The following GALK2 variants were observed in gnomAD, a reference collection of about 807,000 sequenced individuals.
The protein encoded by GALK2 is galactokinase 2.
In GALK2, 36 loss-of-function variants were observed where a neutral mutation model predicts 52.4. The ratio of observed to expected loss-of-function variants is 0.69; its 90% confidence interval spans 0.53 to 0.91. The LOEUF (loss-of-function observed/expected upper bound fraction) is 0.91. Ranked by LOEUF, GALK2 falls within the 40% of genes least tolerant of loss-of-function variation. GALK2 has a pLI of 0.00. For synonymous variants in GALK2, 176 were observed against 199.1 expected, an observed-to-expected ratio of 0.88 and a Z score of 0.98; for missense variants, 579 against 559.1, an observed-to-expected ratio of 1.04 and a Z score of -0.36.
At chr15:49,304,330 A>C (rs2035366292) in intron 8 of GALK2, among the ~76,000 whole-genome samples, 1 of 152,154 alleles carries the variant, frequency 6.6e-6, no homozygotes, top group African/African-American at 2.4e-5. Flanking sequence ...GTAACAAACA[A>C]TTTCAAAGTC....
chr15:49,305,387 GT>G (rs2035467452), intron 8 of GALK2, among the ~76,000 whole-genome samples: 1 of 152,120 alleles, frequency 6.6e-6, no homozygotes, highest in African/African-American at 2.4e-5. Flanking sequence ...ACGCTCCATA[GT>G]TTTTTAGAAA....
chr15:49,210,885 T>C (rs762183108), intron 2 of GALK2, among the ~76,000 whole-genome samples: 4 of 151,876 alleles, frequency 2.6e-5, no homozygotes, highest in Non-Finnish European at 5.9e-5. Context: ...TAGCTGGGAT[T>C]ACAGGCATGT....
intron 5 of GALK2, among the ~76,000 whole-genome samples, chr15:49,255,648 A>ATTATTTT: frequency 9.5e-6 from 1 of 105,726 alleles, no homozygotes; most frequent in Non-Finnish European, 2.3e-5. Flanking sequence ...TAATACACAG[A>ATTATTTT]GATAGGTAGA....
At position 49,331,837 on chromosome 15, in the gene GALK2, C is replaced by G; in HGVS notation, c.*3678C>G. 6.2e-7 allele frequency: 1 copy of G among 1,609,026 alleles called. No homozygotes were observed. Among genetic ancestry groups the G allele is most frequent in the Non-Finnish European group, 8.5e-7 (1 of 1,175,512 alleles). On this transcript the variant is annotated 3_prime_UTR_variant, in exon 10 of 10. Coordinates refer to ENST00000560031, the MANE Select transcript of GALK2 (RefSeq NM_002044.4). ...TCACTTCATGAGGTTTCTTGGTAGC[C>G]TTTGCTTGGAGTCTAATCATGGAAT...
At chr15:49,222,907 G>A (rs762577937) in intron 3 of GALK2, among the ~76,000 whole-genome samples, 36 of 152,272 alleles carry the variant, frequency 2.4e-4, no homozygotes, top group Non-Finnish European at 4.7e-4. Context: ...TGCCTTTTGG[G>A]ACTAGGTTAA....
chr15:49,348,740 T>G (rs1483671824), intron 3 of GALK2, among the ~76,000 whole-genome samples: 1 of 152,196 alleles, frequency 6.6e-6, no homozygotes, highest in Non-Finnish European at 1.5e-5. Context: ...AGTCCTAAAT[T>G]CCAAGCATTC....
chr15:49,361,759 C>T (rs1209893933), intron 3 of GALK2, among the ~76,000 whole-genome samples: 1 of 152,120 alleles, frequency 6.6e-6, no homozygotes, highest in Non-Finnish European at 1.5e-5. Context: ...TGGGTATATA[C>T]TCAGTAATAG....
At chr15:49,211,546 C>T (rs1170759463) in intron 2 of GALK2, among the ~76,000 whole-genome samples, 1 of 152,176 alleles carries the variant, frequency 6.6e-6, no homozygotes. Context: ...CTGTATTAAT[C>T]TGCTCTTGCA....
In GALK2 at chr15:49,267,355, A is replaced by G. The variant is rs2092395643; in HGVS notation, c.505-14632A>G. ...AAGATGAGGAACCTTATCAGATATC[A>G]AGGGTGATCAGATATTGAGGGTGGG... On this transcript the variant is annotated intron_variant, in intron 5 of 9. Transcript: ENST00000560031. Among the ~76,000 whole-genome samples, 5 of 152,342 alleles carry G rather than the reference A, an allele frequency of 3.3e-5. 1 individual carries two copies. The South Asian group carries it at 1.0e-3, about 32-fold the overall frequency.
intron 8 of GALK2, 96 bp from the exon 9 acceptor site, chr15:49,319,508 A>G: frequency 2.0e-6 from 2 of 989,732 alleles, no homozygotes; most frequent in Admixed American, 5.0e-5. Context: ...CTGATAATGA[A>G]AACAGAAATG....
intron 6 of GALK2, 120 bp downstream of exon 6, chr15:49,282,205 A>G (rs936403898): frequency 1.3e-4 from 72 of 570,214 alleles, no homozygotes; most frequent in Admixed American, 8.0e-4. Flanking sequence ...ATTAGGCTCT[A>G]TTGTAGGATA....
intron 3 of GALK2, among the ~76,000 whole-genome samples, chr15:49,351,690 AAAGT>A: frequency 6.6e-6 from 1 of 152,320 alleles, no homozygotes; most frequent in Middle Eastern, 3.4e-3. Context: ...TCAAGGGAAT[AAAGT>A]AACATTGGAC....
chr15:49,321,049 G>A (rs748068912), intron 9 of GALK2, among the ~76,000 whole-genome samples: 11 of 152,166 alleles, frequency 7.2e-5, no homozygotes, highest in Non-Finnish European at 1.6e-4. Context: ...TTACATTCTC[G>A]TGGGGAAAGA....
In GALK2 at chr15:49,356,970, G is replaced by C. The variant is rs1411656198; in HGVS notation, c.427-10521G>C. Among the ~76,000 whole-genome samples the C allele has an allele frequency of 4.0e-5, 6 of 150,160 alleles. No individual in the cohort carries two copies. In the South Asian group the frequency reaches 1.3e-3, roughly 32 times the overall value. On this transcript the variant is annotated intron_variant, in intron 3 of 3. Coordinates refer to the GALK2 transcript ENST00000558399. ...CCACTACATGGAAACTGAACAACCT[G>C]CTCCTGAATGACTACTGGGTACATA...
At position 49,192,485 on chromosome 15, in the gene GALK2, G is replaced by GTGTA. The variant is rs1360198549; in HGVS notation, c.54-8676_54-8675insGTAT. 1.6e-3 allele frequency among the ~76,000 whole-genome samples: 162 copies of GTGTA among 102,968 alleles called. 5 individuals are homozygous for GTGTA. Among genetic ancestry groups the GTGTA allele is most frequent in the African/African-American group, 2.3e-3 (58 of 24,716 alleles). The allele number at this position is 102,968 out of a possible 152,430, so 67.6% of individuals were successfully genotyped here. ...TCTGCAATGAATATTATATATATATGTATATATATATATATATATATATAT... is the reference window on the plus strand; with the variant it reads ...TCTGCAATGAATATTATATATATATGTGTATATATATATATATATATATATATAT... On this transcript the variant is annotated intron_variant, in intron 1 of 9. Coordinates refer to ENST00000560031, the MANE Select transcript of GALK2 (RefSeq NM_002044.4).
chr15:49,181,689 TA>T (rs963757957), intron 1 of GALK2, among the ~76,000 whole-genome samples: 1 of 151,290 alleles, frequency 6.6e-6, no homozygotes, highest in African/African-American at 2.4e-5. Context: ...TTTTTGTATT[TA>T]AAAAAAATAG....
At chr15:49,164,693 A>T (rs143583147) in intron 1 of GALK2, among the ~76,000 whole-genome samples, 1,769 of 150,870 alleles carry the variant, frequency 0.012, 19 homozygotes, top group Middle Eastern at 0.031. Flanking sequence ...AGGCAGGAGA[A>T]TCGCTTGAAC....
intron 2 of GALK2, among the ~76,000 whole-genome samples, chr15:49,210,959 A>ACACACACACACT (rs2088818497): frequency 1.9e-5 from 2 of 107,870 alleles, no homozygotes; most frequent in African/African-American, 6.7e-5. Context: ...GTTGGCTGTC[A>ACACACACACACT]CACACACACA....
chr15:49,188,217 A>G (rs1362679267), intron 1 of GALK2, among the ~76,000 whole-genome samples: 2 of 152,196 alleles, frequency 1.3e-5, no homozygotes, highest in Admixed American at 6.5e-5. Context: ...ACAGCCTTAT[A>G]AAGGCTTAGA....
Sources: allele counts gnomAD v4.1 joint callset (sites outside exome capture counted in the v4.1 genomes callset), GRCh38; gene constraint gnomAD v4.1.1; transcripts MANE v1.5; gene names NCBI Gene and HGNC (gene_info 2026-07-23, HGNC 2026-07-21).